Variants in EIF2AK2 observed in about 807,000 individuals in gnomAD.
EIF2AK2 encodes the protein eukaryotic translation initiation factor 2 alpha kinase 2, also known as interferon-induced, double-stranded RNA-activated protein kinase.
EIF2AK2 carries 40 observed loss-of-function variants against 70.5 expected under a neutral mutation model. The observed-to-expected ratio is 0.57, with a 90% CI of 0.44 to 0.74. The LOEUF is 0.74. Among genes scored for constraint, EIF2AK2 ranks in the 30% least tolerant of loss-of-function variants. The probability of loss-of-function intolerance (pLI) is 0.00; values close to 1 mark genes in which losing one functional copy is unlikely to be tolerated. For missense variants in EIF2AK2, 555 were observed against 644.3 expected (o/e 0.86, Z 1.50); for synonymous variants, 198 against 220.9 (o/e 0.90, Z 0.92).
intron 9 of EIF2AK2, among the ~76,000 whole-genome samples, chr2:37,136,453 T>C (rs1485743104): frequency 6.6e-6 from 1 of 152,146 alleles, no homozygotes; most frequent in Non-Finnish European, 1.5e-5. Flanking sequence ...AGAACTCTCT[T>C]CTCTCCATCC....
At chr2:37,111,377 T>C (rs919342212) in intron 14 of EIF2AK2, among the ~76,000 whole-genome samples, 7 of 151,574 alleles carry the variant, frequency 4.6e-5, no homozygotes, top group African/African-American at 1.7e-4. Context: ...AATAACAAAT[T>C]AGAGATATGG....
chr2:37,140,074 C>T (rs1017627683), intron 5 of EIF2AK2, among the ~76,000 whole-genome samples: 2 of 151,214 alleles, frequency 1.3e-5, no homozygotes, highest in African/African-American at 2.4e-5. Flanking sequence ...TCAAAAGATA[C>T]GGAGGTAGAA....
chr2:37,146,493 T>G (rs1159959868), intron 4 of EIF2AK2, among the ~76,000 whole-genome samples: 1 of 152,134 alleles, frequency 6.6e-6, no homozygotes, highest in Non-Finnish European at 1.5e-5. Context: ...TACAATCACT[T>G]TCATCTCTTT....
rs1203063562 is a variant in EIF2AK2, at chr2:37,107,006, C to T, written c.*267G>A. ...GCAGTGAGCCAAGACTGTGTCATTG[C>T]ACTCCAGCCTGGGCAACAGAGCGAG... On this transcript the variant is annotated 3_prime_UTR_variant, in exon 17 of 17. Transcript: ENST00000233057. 7.7e-6 allele frequency: 2 copies of T among 259,964 alleles called. No homozygotes were observed. The highest frequency in any genetic ancestry group is 1.4e-5 in the Non-Finnish European group (2 of 142,618). 16.1% of individuals were successfully genotyped at this position (259,964 alleles called of 1,614,324 possible).
At chr2:37,113,181 G>A (rs904997521) in intron 14 of EIF2AK2, among the ~76,000 whole-genome samples, 4 of 152,112 alleles carry the variant, frequency 2.6e-5, no homozygotes, top group Admixed American at 6.6e-5. Context: ...CCTAGCAGCC[G>A]TATTGATAAA....
intron 14 of EIF2AK2, among the ~76,000 whole-genome samples, chr2:37,114,113 A>C (rs982952577): frequency 6.6e-6 from 1 of 152,114 alleles, no homozygotes; most frequent in African/African-American, 2.4e-5. Context: ...CTCTACAATA[A>C]ATAAGTAAAT....
chr2:37,107,884 A>T (rs1674016797), intron 15 of EIF2AK2, among the ~76,000 whole-genome samples: 1 of 151,888 alleles, frequency 6.6e-6, no homozygotes, highest in Non-Finnish European at 1.5e-5. Context: ...AGTGGCTCAC[A>T]CCTGTAATCC....
chr2:37,148,601 A>C, intron 2 of EIF2AK2: 1 of 840,676 alleles, frequency 1.2e-6, no homozygotes, highest in Non-Finnish European at 2.1e-6. Flanking sequence ...TACTTGTCAC[A>C]CAGGTTTTAA....
intron 11 of EIF2AK2, among the ~76,000 whole-genome samples, chr2:37,125,955 G>A (rs528761082): frequency 6.6e-6 from 1 of 152,272 alleles, no homozygotes; most frequent in East Asian, 1.9e-4. Flanking sequence ...CACCTATTTT[G>A]TGGGTAATGA....
chr2:37,120,250 C>G, intron 12 of EIF2AK2, 111 bp from the exon 13 acceptor site: 1 of 751,140 alleles, frequency 1.3e-6, no homozygotes, highest in African/African-American at 1.8e-5. Context: ...TATACCTTAT[C>G]TTCTTAAGAA....
chr2:37,142,324 C>T (rs72860786), intron 4 of EIF2AK2, among the ~76,000 whole-genome samples: 1 of 151,854 alleles, frequency 6.6e-6, no homozygotes, highest in East Asian at 1.9e-4. Flanking sequence ...GTAGAGACAG[C>T]GTTTGGCCAT....
At chr2:37,133,016 T>G (rs1675002008) in intron 10 of EIF2AK2, among the ~76,000 whole-genome samples, 1 of 152,180 alleles carries the variant, frequency 6.6e-6, no homozygotes, top group Non-Finnish European at 1.5e-5. Context: ...AATCTGATAA[T>G]GGTCCTGAAT....
chr2:37,135,440 G>A (rs369439025), intron 10 of EIF2AK2, 44 bp downstream of exon 10: 16 of 1,507,148 alleles, frequency 1.1e-5, no homozygotes, highest in African/African-American at 5.7e-5. Flanking sequence ...AACATCCACC[G>A]ACAGCATTAC....
chr2:37,133,553 C>T (rs1245401032), intron 10 of EIF2AK2, among the ~76,000 whole-genome samples: 1 of 152,172 alleles, frequency 6.6e-6, no homozygotes, highest in East Asian at 1.9e-4. Context: ...GCTCCAGGGA[C>T]TCCCCAGCTG....
chr2:37,112,072 C>A lies in EIF2AK2; in HGVS notation c.1377+2659G>T, dbSNP rs994122841. 4.6e-5 allele frequency among the ~76,000 whole-genome samples: 7 copies of A among 151,488 alleles called. No homozygotes were observed. The South Asian group carries it at 1.5e-3, about 32-fold the overall frequency. On this transcript the variant is annotated intron_variant, in intron 14 of 16. Coordinates refer to ENST00000233057, the MANE Select transcript of EIF2AK2 (RefSeq NM_001135651.3). ...TCCACCCTCATTGCCTTGAGCTGGG[C>A]CATGCATTTTGCTCTGGGCAATGAT...
chr2:37,130,163 G>A (rs564214796), intron 10 of EIF2AK2, among the ~76,000 whole-genome samples: 32 of 152,008 alleles, frequency 2.1e-4, no homozygotes, highest in Non-Finnish European at 4.0e-4. Context: ...GCTCAATGGC[G>A]CAATCTTGGC....
At chr2:37,121,262 C>CAAAAAAAAAAAAAAAAAAAAAAAGAAAAA in intron 12 of EIF2AK2, among the ~76,000 whole-genome samples, 1 of 72,728 alleles carries the variant, frequency 1.4e-5, no homozygotes, top group Non-Finnish European at 2.3e-5. Context: ...GACACCGTCT[C>CAAAAAAAAAAAAAAAAAAAAAAAGAAAAA]AAAAAAAAAA....
At chr2:37,111,962 T>C (rs1674177653) in intron 14 of EIF2AK2, among the ~76,000 whole-genome samples, 1 of 143,736 alleles carries the variant, frequency 7.0e-6, no homozygotes, top group Non-Finnish European at 1.5e-5. Flanking sequence ...TATATAGATT[T>C]TGAACAGTAT....
In EIF2AK2 at chr2:37,114,787, T is replaced by C; in HGVS notation, c.1321A>G (p.Asn441Asp). Residue 441 changes from asparagine (N) to aspartate (D), a missense_variant, in exon 14 of 17, where the codon AAT becomes GAT. Transcript: ENST00000233057. ...GDFGLVTSLKNDGKRTRSKGT... is the reference protein window; with the variant it reads ...GDFGLVTSLKDDGKRTRSKGT... Reference sequence around the variant, plus strand: ...TTACTCCTTGTTCGCTTTCCATCATTTTTCAGAGATGTTACAAGTCCAAAG... The same window carrying C: ...TTACTCCTTGTTCGCTTTCCATCATCTTTCAGAGATGTTACAAGTCCAAAG... The C allele has an allele frequency of 6.2e-7, 1 of 1,605,764 alleles. No individual in the cohort carries two copies.
Sources: allele counts gnomAD v4.1 joint callset (sites outside exome capture counted in the v4.1 genomes callset), GRCh38; gene constraint gnomAD v4.1.1; transcripts MANE v1.5; gene names NCBI Gene and HGNC (gene_info 2026-07-23, HGNC 2026-07-21).